The following CCDC92 variants were observed in gnomAD, a reference collection of about 807,000 sequenced individuals.
CCDC92 encodes coiled-coil domain-containing protein 92.
Under a neutral mutation model 24.9 loss-of-function variants are expected in CCDC92, and 12 were observed. The observed-to-expected ratio is 0.48, with a 90% CI of 0.31 to 0.78. The LOEUF (loss-of-function observed/expected upper bound fraction) is 0.78. Ranked by LOEUF, CCDC92 falls within the 30% of genes least tolerant of loss-of-function variation. The pLI is 0.05. For missense variants in CCDC92, 399 were observed against 439.4 expected (o/e 0.91, Z 0.82); for synonymous variants, 193 against 196.3 (o/e 0.98, Z 0.14).
chr12:123,956,817 CAAGT>C (rs1956159505), intron 1 of CCDC92, among the ~76,000 whole-genome samples: 1 of 152,070 alleles, frequency 6.6e-6, no homozygotes, highest in Non-Finnish European at 1.5e-5. Flanking sequence ...CAAATAATGA[CAAGT>C]AAAATAAGGG....
chr12:123,962,944 AC>A (rs1956307813), intron 1 of CCDC92: 2 of 152,240 alleles, frequency 1.3e-5, no homozygotes, highest in South Asian at 4.1e-4. Flanking sequence ...ATGAAAGAAC[AC>A]GGGGTTCTCA....
chr12:123,954,452 T>C (rs1048696228), intron 1 of CCDC92, among the ~76,000 whole-genome samples: 1 of 152,200 alleles, frequency 6.6e-6, no homozygotes, highest in African/African-American at 2.4e-5. Context: ...GTAATGGATG[T>C]GATTAGAGAG....
chr12:123,970,941 T>C (rs567081152), intron 1 of CCDC92, among the ~76,000 whole-genome samples: 40 of 152,382 alleles, frequency 2.6e-4, no homozygotes, highest in African/African-American at 9.4e-4. Context: ...ATTGGATAAG[T>C]TGAGATCAAT....
At chr12:123,945,991 T>A (rs1955842952) in intron 1 of CCDC92, 2 of 177,986 alleles carry the variant, frequency 1.1e-5, no homozygotes, top group African/African-American at 2.4e-5. Flanking sequence ...TCCCCCGCCA[T>A]CCATTTCCAG....
chr12:123,944,367 G>A lies in CCDC92; in HGVS notation c.-59-3C>T. On this transcript the variant is annotated splice_polypyrimidine_tract_variant and splice_region_variant and intron_variant, in intron 1 of 4. Transcript: ENST00000238156. ...CGCTTGTACAGCACTGAAAAATACTGAGGATGAAATGTGAGTTATTTGCTT... is the reference window on the plus strand; with the variant it reads ...CGCTTGTACAGCACTGAAAAATACTAAGGATGAAATGTGAGTTATTTGCTT... The A allele has an allele frequency of 7.1e-7, 1 of 1,417,520 alleles. No homozygotes were observed. Among genetic ancestry groups the A allele is most frequent in the Non-Finnish European group, 9.4e-7 (1 of 1,062,912 alleles). The allele number at this position is 1,417,520 out of a possible 1,614,324, so 87.8% of individuals were successfully genotyped here.
rs1955573166 is a variant in CCDC92 at position 123,937,944 on chromosome 12, C to G, written c.224-114G>C. The G allele has an allele frequency of 9.2e-7, 1 of 1,090,088 alleles. No homozygotes were observed. 67.5% of individuals were successfully genotyped at this position (1,090,088 alleles called of 1,614,324 possible). ...GGGGGCCCTGTCTAGGCTGTGGGGG[C>G]CATGCAGAAGGCAGGGCTGTGGGGG... On this transcript the variant is annotated intron_variant, in intron 4 of 4. Coordinates refer to ENST00000238156, the MANE Select transcript of CCDC92 (RefSeq NM_025140.3). The surrounding 1 kb of genome is among the most constrained non-coding windows in gnomAD (Gnocchi z 8.4).
In CCDC92 at chr12:123,949,107, C is replaced by T. The variant is rs553026540; in HGVS notation, c.-59-4743G>A. 3.9e-5 allele frequency among the ~76,000 whole-genome samples: 6 copies of T among 152,274 alleles called. No homozygotes were observed. The East Asian group carries it at 7.7e-4, about 20-fold the overall frequency. On this transcript the variant is annotated intron_variant, in intron 1 of 4. Coordinates refer to ENST00000238156, the MANE Select transcript of CCDC92 (RefSeq NM_025140.3). ...CAAGACAGATCCCTAAAAGGGTCAG[C>T]GTGGCAGATGAAAGGAGAAAGGCAG... is the stretch of plus-strand genomic sequence containing the variant.
intron 1 of CCDC92, among the ~76,000 whole-genome samples, chr12:123,951,308 C>T (rs77545549): frequency 6.0e-4 from 91 of 152,274 alleles, no homozygotes; most frequent in African/African-American, 2.1e-3. Flanking sequence ...AATATTCCAA[C>T]GTATTCCTGA....
intron 1 of CCDC92, among the ~76,000 whole-genome samples, chr12:123,951,021 T>C (rs1956011898): frequency 6.6e-6 from 1 of 152,200 alleles, no homozygotes; most frequent in Non-Finnish European, 1.5e-5. Flanking sequence ...GCCCCTGGCA[T>C]GGCCCAGACC....
intron 1 of CCDC92, chr12:123,956,327 T>A (rs571121257): frequency 6.6e-6 from 1 of 152,366 alleles, no homozygotes; most frequent in African/African-American, 2.4e-5. Flanking sequence ...CTGTTTTGTT[T>A]TTTGATGGCT....
rs1350694385 is a variant in CCDC92 at position 123,936,840 on chromosome 12, C to T, written c.*218G>A. On this transcript the variant is annotated 3_prime_UTR_variant, in exon 5 of 5. Coordinates refer to ENST00000238156, the MANE Select transcript of CCDC92 (RefSeq NM_025140.3). ...GGGATCAGAAGCAAGCGATTCGGCA[C>T]ACAGGCGTTTGGCCACAGCAATTAG... 8.0e-6 allele frequency: 5 copies of T among 623,670 alleles called. No homozygotes were observed. The highest frequency in any genetic ancestry group is 1.4e-5 in the Non-Finnish European group (5 of 359,988). 38.6% of individuals were successfully genotyped at this position (623,670 alleles called of 1,614,324 possible).
intron 1 of CCDC92, among the ~76,000 whole-genome samples, chr12:123,952,182 G>C (rs1301393187): frequency 6.6e-6 from 1 of 152,192 alleles, no homozygotes; most frequent in Non-Finnish European, 1.5e-5. Flanking sequence ...GTAAACATTG[G>C]TCAATACTTC....
intron 1 of CCDC92, among the ~76,000 whole-genome samples, chr12:123,947,816 AC>A (rs563320041): frequency 6.8e-4 from 104 of 152,242 alleles, no homozygotes; most frequent in Non-Finnish European, 1.3e-3. Flanking sequence ...GTCCCCTTCC[AC>A]ACTGTGGAAG....
At chr12:123,943,708 C>G (rs982712546) in intron 2 of CCDC92, 1 of 603,758 alleles carries the variant, frequency 1.7e-6, no homozygotes, top group Admixed American at 2.9e-5. Context: ...TTCCCGAACG[C>G]CTTGGGGTGT....
At chr12:123,958,559 G>A (rs1956203408) in intron 1 of CCDC92, among the ~76,000 whole-genome samples, 1 of 152,222 alleles carries the variant, frequency 6.6e-6, no homozygotes. Flanking sequence ...AGAGAAGGAC[G>A]AGCTGCCTCC....
At chr12:123,952,292 CA>C (rs1427355874) in intron 1 of CCDC92, among the ~76,000 whole-genome samples, 16 of 152,112 alleles carry the variant, frequency 1.1e-4, no homozygotes, top group Admixed American at 2.0e-4. Context: ...CAATTACTTC[CA>C]AAGAGGGAAG....
chr12:123,952,665 G>GA (rs1398117620), intron 1 of CCDC92, among the ~76,000 whole-genome samples: 1 of 152,176 alleles, frequency 6.6e-6, no homozygotes, highest in African/African-American at 2.4e-5. Context: ...TAAGTGAGCT[G>GA]AAAATCTCTA....
At chr12:123,959,328 T>C (rs938246605) in intron 1 of CCDC92, among the ~76,000 whole-genome samples, 4 of 152,166 alleles carry the variant, frequency 2.6e-5, no homozygotes, top group Non-Finnish European at 5.9e-5. Flanking sequence ...CTTGCTTTTT[T>C]TTTTGAGATG....
intron 1 of CCDC92, chr12:123,962,919 A>G (rs55990776): frequency 0.32 from 48,487 of 152,016 alleles, 7,862 homozygotes; most frequent in Middle Eastern, 0.37. Flanking sequence ...GGCAAACTGT[A>G]AGCAGTCGGA....
Sources: allele counts gnomAD v4.1 joint callset (sites outside exome capture counted in the v4.1 genomes callset), GRCh38; gene constraint gnomAD v4.1.1; non-coding constraint Gnocchi (gnomAD v3.1); transcripts MANE v1.5; gene names NCBI Gene and HGNC (gene_info 2026-07-23, HGNC 2026-07-21).